The following ATP2A2 variants were observed in gnomAD, a reference collection of about 807,000 sequenced individuals.
ATP2A2 encodes sarcoplasmic/endoplasmic reticulum calcium ATPase 2.
Under a neutral mutation model 109.3 loss-of-function variants are expected in ATP2A2, and 14 were observed. That is an observed-to-expected ratio of 0.13 (90% CI 0.08 to 0.20). The LOEUF (loss-of-function observed/expected upper bound fraction) is 0.20, where lower values mean the gene tolerates loss of function less well. ATP2A2 is among the 10% of genes least tolerant of loss of function. ATP2A2 has a pLI of 1.00. For missense variants in ATP2A2, 657 were observed against 1,321.6 expected (o/e 0.50, Z 7.80); for synonymous variants, 506 against 490.9 (o/e 1.03, Z -0.41).
At chr12:110,343,818 G>A (rs1183695968) in intron 16 of ATP2A2, among the ~76,000 whole-genome samples, 1 of 152,158 alleles carries the variant, frequency 6.6e-6, no homozygotes, top group Non-Finnish European at 1.5e-5. Flanking sequence ...TAAGAGAAGG[G>A]TTGCGCAGTG....
Position 110,281,687 on chromosome 12 carries a change from C to A in ATP2A2, c.-103C>A, listed in dbSNP as rs1592781984. ...CAAGAGGAGGAGGGGAGAGCCCGTC[C>A]GCGCCTGGGCTCCCGGGGTGGCACG... On this transcript the variant is annotated 5_prime_UTR_variant, in exon 1 of 20. Transcript: ENST00000539276. The A allele has an allele frequency of 1.3e-6, 1 of 743,364 alleles. No individual in the cohort carries two copies. The highest frequency in any genetic ancestry group is 3.6e-5 in the East Asian group (1 of 27,872). The allele number at this position is 743,364 out of a possible 1,614,324, so 46.0% of individuals were successfully genotyped here. A position where few individuals can be genotyped will look rare whatever the true frequency, so the allele number is the denominator to read the frequency against.
chr12:110,296,085 G>C (rs1456312023), intron 4 of ATP2A2: 2 of 166,402 alleles, frequency 1.2e-5, no homozygotes, highest in Non-Finnish European at 2.6e-5. Flanking sequence ...GCTTAGCCCA[G>C]AGTTGGGTTG....
At position 110,313,439 on chromosome 12, in the gene ATP2A2, G is replaced by A. The variant is rs1054698827; in HGVS notation, c.464-9553G>A. Among the ~76,000 whole-genome samples, 5 of 146,148 alleles carry A rather than the reference G, an allele frequency of 3.4e-5. 1 individual carries two copies. The highest frequency in any genetic ancestry group is 1.3e-4 in the African/African-American group (5 of 39,484). ...GCCATTCTCCTGCCTCAGCCTCCCCGTTAGCTGTGACTACAGGCACCCACC... is the reference window on the plus strand; with the variant it reads ...GCCATTCTCCTGCCTCAGCCTCCCCATTAGCTGTGACTACAGGCACCCACC... On this transcript the variant is annotated intron_variant, in intron 5 of 19. Transcript: ENST00000539276.
Position 110,340,549 on chromosome 12 carries a change from AAAG to A in ATP2A2, c.1762-107_1762-105del, listed in dbSNP as rs1592860640. On this transcript the variant is annotated intron_variant, in intron 13 of 19. Coordinates refer to ENST00000539276, the MANE Select transcript of ATP2A2 (RefSeq NM_170665.4). This position sits in a 1 kb window ranked among gnomAD's most constrained non-coding sequence, Gnocchi z 6.0. ...GCGAAACTCCGCCTCAAAAAAAAAA[AAAG>A]AAAAAAAATGCAGAAACCTGTCTCA... is the stretch of plus-strand genomic sequence containing the variant. The A allele has an allele frequency of 1.4e-5, 19 of 1,319,024 alleles. No individual in the cohort carries two copies. The highest frequency in any genetic ancestry group is 2.1e-4 in the Middle Eastern group (1 of 4,814). 81.7% of individuals were successfully genotyped at this position (1,319,024 alleles called of 1,614,324 possible).
chr12:110,341,338 T>G (rs1374499115), intron 14 of ATP2A2, among the ~76,000 whole-genome samples: 1 of 152,132 alleles, frequency 6.6e-6, no homozygotes, highest in Non-Finnish European at 1.5e-5. Context: ...TTTAAGTTCT[T>G]TAAGAGCTGG....
At chr12:110,302,277 T>A (rs1874740310) in intron 5 of ATP2A2, among the ~76,000 whole-genome samples, 1 of 152,148 alleles carries the variant, frequency 6.6e-6, no homozygotes, top group African/African-American at 2.4e-5. Flanking sequence ...GACTTCCAGT[T>A]CCCCTCTTCC....
Position 110,349,010 on chromosome 12 carries a change from G to C in ATP2A2, c.*2540G>C. ...AAAGTTGAGTAGTGTGTGGCCTGCT[G>C]TCGCACAGCCCCTAGTTAGCTTCAT... On this transcript the variant is annotated 3_prime_UTR_variant, in exon 20 of 20. Coordinates refer to ENST00000539276, the MANE Select transcript of ATP2A2 (RefSeq NM_170665.4). 1.0e-6 allele frequency: 1 copy of C among 985,454 alleles called. No individual in the cohort carries two copies. Among genetic ancestry groups the C allele is most frequent in the African/African-American group, 1.7e-5 (1 of 57,362 alleles). The allele number at this position is 985,454 out of a possible 1,614,324, so 61.0% of individuals were successfully genotyped here. A position where few individuals can be genotyped will look rare whatever the true frequency, so the allele number is the denominator to read the frequency against.
At chr12:110,333,111 G>A (rs767099909) in intron 9 of ATP2A2, 70 bp from the exon 10 acceptor site, 51 of 1,292,550 alleles carry the variant, frequency 3.9e-5, no homozygotes, top group Admixed American at 8.4e-5. Flanking sequence ...CAATTGCGGG[G>A]GGGCAGGGGG....
chr12:110,289,193 G>GT (rs1872993954), intron 3 of ATP2A2, among the ~76,000 whole-genome samples: 1 of 152,144 alleles, frequency 6.6e-6, no homozygotes, highest in African/African-American at 2.4e-5. Flanking sequence ...CTTTAACAAG[G>GT]TGTGAAGCTT....
At position 110,349,193 on chromosome 12, in the gene ATP2A2, A is replaced by G. The variant is rs1880169514; in HGVS notation, c.*2723A>G. 1.5e-5 allele frequency: 15 copies of G among 985,528 alleles called. No homozygotes were observed. Among genetic ancestry groups the G allele is most frequent in the Non-Finnish European group, 1.8e-5 (15 of 830,036 alleles). The allele number at this position is 985,528 out of a possible 1,614,324, so 61.0% of individuals were successfully genotyped here. On this transcript the variant is annotated 3_prime_UTR_variant, in exon 20 of 20. Coordinates refer to ENST00000539276, the MANE Select transcript of ATP2A2 (RefSeq NM_170665.4). Reference sequence around the variant, plus strand: ...AGGCTTTGCTGGGTGAAAACACTTCAGCATCTCCTCCTCAGGTCAACCCAT... The same window carrying G: ...AGGCTTTGCTGGGTGAAAACACTTCGGCATCTCCTCCTCAGGTCAACCCAT...
chr12:110,284,322 A>C (rs148897636), intron 3 of ATP2A2, among the ~76,000 whole-genome samples: 1 of 152,252 alleles, frequency 6.6e-6, no homozygotes, highest in African/African-American at 2.4e-5. Context: ...AACTGGGTAC[A>C]TAATAGCGTT....
At chr12:110,294,900 G>C (rs531536598) in intron 4 of ATP2A2, among the ~76,000 whole-genome samples, 1 of 151,338 alleles carries the variant, frequency 6.6e-6, no homozygotes, top group Non-Finnish European at 1.5e-5. Context: ...GCCCACTGCA[G>C]CCTCCACCTC....
intron 5 of ATP2A2, among the ~76,000 whole-genome samples, chr12:110,311,719 A>G (rs184012583): frequency 6.9e-6 from 1 of 145,284 alleles, no homozygotes; most frequent in Admixed American, 7.0e-5. Context: ...TAAAATATGA[A>G]AAGAGAATTG....
At chr12:110,280,636 C>CGGGGCTGGCGTGCGAA (rs1374525348), upstream of ATP2A2, 2 of 152,336 alleles carry the variant, frequency 1.3e-5, no homozygotes, top group Non-Finnish European at 2.9e-5. Flanking sequence ...GGGGAAGAAT[C>CGGGGCTGGCGTGCGAA]GGGGCTGGCG....
chr12:110,312,541 C>T (rs1876193176), intron 5 of ATP2A2, among the ~76,000 whole-genome samples: 1 of 152,078 alleles, frequency 6.6e-6, no homozygotes, highest in African/African-American at 2.4e-5. Context: ...AGGATTCTAG[C>T]TATTTAGTTT....
intron 5 of ATP2A2, among the ~76,000 whole-genome samples, chr12:110,307,192 GTGTA>G (rs1403932325): frequency 6.8e-6 from 1 of 146,682 alleles, no homozygotes; most frequent in African/African-American, 2.5e-5. Context: ...CTTGCCAGCA[GTGTA>G]TAAGTGTTCC....
At position 110,311,612 on chromosome 12, in the gene ATP2A2, A is replaced by C. The variant is rs911433284; in HGVS notation, c.464-11380A>C. On this transcript the variant is annotated intron_variant, in intron 5 of 19. Transcript: ENST00000539276. ...CTCCATCTCAAAAAAAAAAAAAAAA[A>C]AAAAAAAAAACGCTGGGATTATAAG... Among the ~76,000 whole-genome samples the C allele has an allele frequency of 8.0e-5, 12 of 150,264 alleles. 1 individual carries two copies. The highest frequency in any genetic ancestry group is 2.6e-4 in the Admixed American group (4 of 15,114).
chr12:110,341,714 A>G (rs1043859436), intron 14 of ATP2A2, among the ~76,000 whole-genome samples: 1 of 152,132 alleles, frequency 6.6e-6, no homozygotes, highest in Non-Finnish European at 1.5e-5. Context: ...CTGTACTAAA[A>G]ATACAAAAAA....
At chr12:110,332,247 C>A (rs1251580651) in intron 8 of ATP2A2, 1 of 340,580 alleles carries the variant, frequency 2.9e-6, no homozygotes, top group Non-Finnish European at 5.6e-6. Flanking sequence ...AGTAACTTGT[C>A]TCTGGAACTG....
Sources: gnomAD v4.1 joint callset for allele counts (sites outside exome capture counted in the v4.1 genomes callset) on GRCh38, gnomAD v4.1.1 for gene constraint, Gnocchi (gnomAD v3.1) non-coding constraint, MANE v1.5 for transcripts, NCBI Gene and HGNC (gene_info 2026-07-23, HGNC 2026-07-21) for gene names.